Variants in UGT1A7 observed in about 807,000 individuals in gnomAD.
UGT1A7 encodes UDP glucuronosyltransferase family 1 member A7, also known as UDP-glucuronosyltransferase 1A7.
Under a neutral mutation model 45.6 loss-of-function variants are expected in UGT1A7, and 33 were observed. The ratio of observed to expected loss-of-function variants is 0.72; its 90% CI spans 0.55 to 0.97. UGT1A7 has a LOEUF of 0.97. Among genes scored for constraint, UGT1A7 ranks in the 50% least tolerant of loss-of-function variants. UGT1A7 has a pLI of 0.00. For synonymous variants in UGT1A7, 274 were observed against 250.6 expected (o/e 1.09, Z -0.88); for missense variants, 684 against 666.2 (o/e 1.03, Z -0.29).
chr2:233,714,550 T>C (rs1403377657), intron 1 of UGT1A7, among the ~76,000 whole-genome samples: 5 of 152,252 alleles, frequency 3.3e-5, no homozygotes, highest in African/African-American at 7.2e-5. Context: ...AAGTGTCCAA[T>C]AGAAATATCA....
chr2:233,770,111 G>A (rs1335443900), intron 4 of UGT1A7: 1 of 152,202 alleles, frequency 6.6e-6, no homozygotes, highest in Non-Finnish European at 1.5e-5. Flanking sequence ...TGTAACCTAA[G>A]AACAACTTGG....
chr2:233,685,796 T>C (rs998546141), intron 1 of UGT1A7, among the ~76,000 whole-genome samples: 1 of 152,250 alleles, frequency 6.6e-6, no homozygotes, highest in Admixed American at 6.5e-5. Flanking sequence ...AATCTTGGCA[T>C]GTTGTCTCAT....
intron 1 of UGT1A7, among the ~76,000 whole-genome samples, chr2:233,687,074 C>T (rs1260348746): frequency 6.6e-6 from 1 of 152,190 alleles, no homozygotes; most frequent in Non-Finnish European, 1.5e-5. Flanking sequence ...AGCCTGATTT[C>T]ATAAGTACTT....
chr2:233,719,253 T>A (rs757974973), intron 1 of UGT1A7: 2 of 1,614,038 alleles, frequency 1.2e-6, no homozygotes, highest in African/African-American at 2.7e-5. Flanking sequence ...GAATGCTACT[T>A]CCTTTGATGT....
At chr2:233,717,118 A>C (rs1390690022) in intron 1 of UGT1A7, among the ~76,000 whole-genome samples, 1 of 152,100 alleles carries the variant, frequency 6.6e-6, no homozygotes, top group Non-Finnish European at 1.5e-5. Context: ...ACACCACTAC[A>C]TGGAAATAGA....
intron 1 of UGT1A7, among the ~76,000 whole-genome samples, chr2:233,704,904 C>G (rs2075812559): frequency 6.6e-6 from 1 of 152,134 alleles, no homozygotes; most frequent in African/African-American, 2.4e-5. Context: ...AAGGCTGAGG[C>G]AGGTGGATCA....
intron 1 of UGT1A7, chr2:233,754,897 C>A: frequency 3.0e-6 from 4 of 1,351,174 alleles, no homozygotes; most frequent in South Asian, 1.1e-5. Flanking sequence ...TTCCTCTGAC[C>A]CCCCAAAATA....
chr2:233,734,900 C>G (rs1027588472), intron 1 of UGT1A7, among the ~76,000 whole-genome samples: 1 of 152,158 alleles, frequency 6.6e-6, no homozygotes, highest in Non-Finnish European at 1.5e-5. Flanking sequence ...GATTTCTATT[C>G]TTTTACATTT....
intron 1 of UGT1A7, among the ~76,000 whole-genome samples, chr2:233,765,612 G>T (rs1698887269): frequency 2.0e-5 from 3 of 151,940 alleles, no homozygotes; most frequent in Admixed American, 6.6e-5. Flanking sequence ...GTGGCGGGGT[G>T]AGGGGTGAGG....
At chr2:233,734,824 TTGAG>T (rs1349043445) in intron 1 of UGT1A7, among the ~76,000 whole-genome samples, 2 of 152,248 alleles carry the variant, frequency 1.3e-5, no homozygotes, top group African/African-American at 4.8e-5. Flanking sequence ...TTGTGCGATT[TTGAG>T]TGAGTTTCTT....
At chr2:233,722,664 T>C (rs1443762088) in intron 1 of UGT1A7, among the ~76,000 whole-genome samples, 2 of 152,158 alleles carry the variant, frequency 1.3e-5, no homozygotes, top group Admixed American at 1.3e-4. Flanking sequence ...TTTACTTAGG[T>C]TTTGGTAAAA....
chr2:233,772,899 G>A lies in UGT1A7; in HGVS notation c.*340G>A, dbSNP rs1167184820. 6 of 428,920 alleles carry A rather than the reference G, an allele frequency of 1.4e-5. No homozygotes were observed. The highest frequency in any genetic ancestry group is 8.2e-5 in the African/African-American group (4 of 48,988). 26.6% of individuals were successfully genotyped at this position (428,920 alleles called of 1,614,324 possible). ...TGCGGGATTCAAAGGTGGTCCCACG[G>A]CTGCCCCTACTGCAAATGGCAGTTT... is the stretch of plus-strand genomic sequence containing the variant. On this transcript the variant is annotated 3_prime_UTR_variant, in exon 5 of 5. Coordinates refer to ENST00000373426, the MANE Select transcript of UGT1A7 (RefSeq NM_019077.3).
chr2:233,685,997 A>C (rs1480278906), intron 1 of UGT1A7, among the ~76,000 whole-genome samples: 1 of 152,210 alleles, frequency 6.6e-6, no homozygotes, highest in Non-Finnish European at 1.5e-5. Flanking sequence ...AATCCTGTAC[A>C]TCCTTTGCCT....
At chr2:233,709,407 A>C (rs1575490731) in intron 1 of UGT1A7, among the ~76,000 whole-genome samples, 2 of 152,258 alleles carry the variant, frequency 1.3e-5, no homozygotes, top group South Asian at 2.1e-4. Context: ...ATGGGTGAAC[A>C]CTCAATAAGA....
chr2:233,732,709 C>A (rs540969589), intron 1 of UGT1A7, among the ~76,000 whole-genome samples: 5 of 150,878 alleles, frequency 3.3e-5, no homozygotes, highest in Non-Finnish European at 7.4e-5. Flanking sequence ...GTTACTGTAG[C>A]CTTGTAGTAC....
intron 1 of UGT1A7, among the ~76,000 whole-genome samples, chr2:233,722,899 G>T (rs1015320069): frequency 7.8e-6 from 1 of 128,092 alleles, no homozygotes; most frequent in South Asian, 3.1e-4. Flanking sequence ...AGTGGAAGTG[G>T]ATCATCATAA....
intron 1 of UGT1A7, among the ~76,000 whole-genome samples, chr2:233,697,925 G>A (rs1053840529): frequency 6.6e-6 from 1 of 152,092 alleles, no homozygotes; most frequent in Non-Finnish European, 1.5e-5. Flanking sequence ...TAGAAGTCTA[G>A]GGTATTGGAA....
chr2:233,772,831 T>TCACACAAGAAAG lies in UGT1A7; in HGVS notation c.*273_*274insACACAAGAAAGC. 2 of 893,952 alleles carry TCACACAAGAAAG rather than the reference T, an allele frequency of 2.2e-6. No individual in the cohort carries two copies. Among genetic ancestry groups the TCACACAAGAAAG allele is most frequent in the Non-Finnish European group, 3.1e-6 (2 of 642,656 alleles). 55.4% of individuals were successfully genotyped at this position (893,952 alleles called of 1,614,324 possible). A position where few individuals can be genotyped will look rare whatever the true frequency, so the allele number is the denominator to read the frequency against. On this transcript the variant is annotated 3_prime_UTR_variant, in exon 5 of 5. Transcript: ENST00000373426. ...AGAGGACGTGCAGACAGGCTGGCAT[T>TCACACAAGAAAG]CTAGATTACTTTTCTTACTCTGAAA...
At chr2:233,684,966 G>T (rs543778082) in intron 1 of UGT1A7, among the ~76,000 whole-genome samples, 1 of 152,138 alleles carries the variant, frequency 6.6e-6, no homozygotes, top group Non-Finnish European at 1.5e-5. Flanking sequence ...TGAAAAGAAA[G>T]CATTGCTTGA....
Sources: allele counts gnomAD v4.1 joint callset (sites outside exome capture counted in the v4.1 genomes callset), GRCh38; gene constraint gnomAD v4.1.1; transcripts MANE v1.5; gene names NCBI Gene and HGNC (gene_info 2026-07-23, HGNC 2026-07-21).